RPS6KA2: variants seen among roughly 807,000 people sequenced by gnomAD.
RPS6KA2 encodes ribosomal protein S6 kinase alpha-2.
RPS6KA2 carries 42 observed loss-of-function variants against 91.8 expected under a neutral mutation model. The observed-to-expected ratio is 0.46, with a 90% CI of 0.36 to 0.59. RPS6KA2 has a LOEUF of 0.59. Ranked by LOEUF, RPS6KA2 falls within the 20% of genes least tolerant of loss-of-function variation. The pLI is 0.00. For missense variants in RPS6KA2, 798 were observed against 978.5 expected (o/e 0.82, Z 2.46); for synonymous variants, 414 against 393.6 (o/e 1.05, Z -0.61).
intron 2 of RPS6KA2, among the ~76,000 whole-genome samples, chr6:166,823,922 G>A (rs796521060): frequency 1.4e-4 from 22 of 152,306 alleles, no homozygotes; most frequent in African/African-American, 5.3e-4. Flanking sequence ...ACGTTCTGCT[G>A]TTGGGAGTAT....
chr6:166,739,129 A>G (rs1427980240), intron 2 of RPS6KA2, among the ~76,000 whole-genome samples: 1 of 152,230 alleles, frequency 6.6e-6, no homozygotes, highest in Non-Finnish European at 1.5e-5. Context: ...AGAATTAGCA[A>G]ATATTTATAA....
intron 1 of RPS6KA2, among the ~76,000 whole-genome samples, chr6:166,584,738 T>C (rs1447163985): frequency 3.9e-5 from 6 of 152,248 alleles, no homozygotes; most frequent in Non-Finnish European, 7.3e-5. Context: ...TACGCTGTCA[T>C]GCCAAGTTTT....
At chr6:166,439,092 T>A (rs950855828) in intron 14 of RPS6KA2, among the ~76,000 whole-genome samples, 24 of 92,402 alleles carry the variant, frequency 2.6e-4, no homozygotes, top group Admixed American at 7.7e-4. Context: ...TTTTTTCTTG[T>A]CTTTATTTTT....
chr6:166,688,602 C>T (rs1459723649), intron 2 of RPS6KA2, among the ~76,000 whole-genome samples: 1 of 152,214 alleles, frequency 6.6e-6, no homozygotes, highest in Non-Finnish European at 1.5e-5. Context: ...GAGGGGCACA[C>T]AGTGTCACCA....
intron 14 of RPS6KA2, among the ~76,000 whole-genome samples, chr6:166,441,272 C>T (rs1157897777): frequency 1.3e-5 from 2 of 152,236 alleles, no homozygotes; most frequent in African/African-American, 2.4e-5. Context: ...AAGGCATCTA[C>T]AGCCTCTGCC....
rs181982902 is a variant in RPS6KA2 at position 166,514,561 on chromosome 6, G to C, written c.299-4204C>G. 4.5e-3 allele frequency among the ~76,000 whole-genome samples: 682 copies of C among 152,340 alleles called. 5 individuals are homozygous for C. Among genetic ancestry groups the C allele is most frequent in the African/African-American group, 0.016 (659 of 41,578 alleles). On this transcript the variant is annotated intron_variant, in intron 3 of 20. Coordinates refer to ENST00000265678, the MANE Select transcript of RPS6KA2 (RefSeq NM_021135.6). ...CAGTGGGCTGGCGCACAGAGCTGCA[G>C]TGCCACACTGATGAGGCCTGCGGGC...
chr6:166,795,801 A>G (rs935805909), intron 2 of RPS6KA2, among the ~76,000 whole-genome samples: 1 of 152,184 alleles, frequency 6.6e-6, no homozygotes, highest in Non-Finnish European at 1.5e-5. Flanking sequence ...ATAATTTTCC[A>G]TAAAAGGTGG....
intron 2 of RPS6KA2, among the ~76,000 whole-genome samples, chr6:166,777,628 G>A (rs904774959): frequency 6.6e-6 from 1 of 152,160 alleles, no homozygotes; most frequent in African/African-American, 2.4e-5. Flanking sequence ...CATAGTAAAA[G>A]AAATAAATGT....
At chr6:166,716,035 C>CAAAAAAAAAAAAAAAAAAAAAAAAAA in intron 2 of RPS6KA2, among the ~76,000 whole-genome samples, 1 of 89,778 alleles carries the variant, frequency 1.1e-5, no homozygotes, top group Non-Finnish European at 1.9e-5. Flanking sequence ...GAGACTCCAT[C>CAAAAAAAAAAAAAAAAAAAAAAAAAA]AAAAAAAAAA....
intron 11 of RPS6KA2, among the ~76,000 whole-genome samples, chr6:166,469,460 T>G (rs1371338444): frequency 6.6e-6 from 1 of 152,006 alleles, no homozygotes; most frequent in Non-Finnish European, 1.5e-5. Flanking sequence ...TTGTCATGAC[T>G]TTTGTCTGTT....
chr6:166,714,734 C>T (rs1042352796), intron 2 of RPS6KA2, among the ~76,000 whole-genome samples: 3 of 152,252 alleles, frequency 2.0e-5, no homozygotes, highest in Admixed American at 6.5e-5. Context: ...CAGGAGCCCA[C>T]TCTGCCACAC....
intron 2 of RPS6KA2, among the ~76,000 whole-genome samples, chr6:166,848,919 T>A (rs576319497): frequency 6.6e-6 from 1 of 151,722 alleles, no homozygotes; most frequent in African/African-American, 2.4e-5. Flanking sequence ...AATTAATTTT[T>A]AAAAAATTAA....
At chr6:166,785,086 G>T (rs1778895118) in intron 2 of RPS6KA2, among the ~76,000 whole-genome samples, 1 of 152,222 alleles carries the variant, frequency 6.6e-6, no homozygotes, top group Non-Finnish European at 1.5e-5. Flanking sequence ...CTGTGTTTGC[G>T]TCTACCTATC....
In RPS6KA2 at chr6:166,434,668, T is replaced by C. The variant is rs190127325; in HGVS notation, c.1333-2178A>G. 8.2e-4 allele frequency among the ~76,000 whole-genome samples: 125 copies of C among 152,354 alleles called. No individual in the cohort carries two copies. Among genetic ancestry groups the C allele is most frequent in the Middle Eastern group, 3.4e-3 (1 of 294 alleles). On this transcript the variant is annotated intron_variant, in intron 14 of 20. Coordinates refer to ENST00000265678, the MANE Select transcript of RPS6KA2 (RefSeq NM_021135.6). This position sits in a 1 kb window ranked among gnomAD's most constrained non-coding sequence, Gnocchi z 4.4. ...ATTCAGTAGAAGATTTTTTCGCAAA[T>C]ATGATTTCATGATAAAGGGATGTGT...
chr6:166,701,761 A>C (rs1490456467), intron 2 of RPS6KA2: 36 of 1,157,210 alleles, frequency 3.1e-5, no homozygotes, highest in Non-Finnish European at 3.9e-5. Flanking sequence ...AAATCATAGA[A>C]GTGATATCAT....
At position 166,716,630 on chromosome 6, in the gene RPS6KA2, G is replaced by A. The variant is rs148919964; in HGVS notation, c.123+141570C>T. 1.8e-4 allele frequency among the ~76,000 whole-genome samples: 27 copies of A among 152,336 alleles called. No homozygotes were observed. In the East Asian group the frequency reaches 4.4e-3, roughly 25 times the overall value. On this transcript the variant is annotated intron_variant, in intron 2 of 21. Transcript: ENST00000503859. ...TGCATATGTAAGAGGTTAAGACATC[G>A]TGATTTGTGAAGTCAGAATGGAAAA... is the stretch of plus-strand genomic sequence containing the variant.
intron 1 of RPS6KA2, among the ~76,000 whole-genome samples, chr6:166,579,180 T>C (rs557347349): frequency 6.6e-6 from 1 of 152,364 alleles, no homozygotes; most frequent in South Asian, 2.1e-4. Context: ...CCGTTTATGC[T>C]GTTTAGAAAA....
At chr6:166,428,526 A>C (rs1405937714) in intron 16 of RPS6KA2, among the ~76,000 whole-genome samples, 79 of 141,856 alleles carry the variant, frequency 5.6e-4, no homozygotes, top group African/African-American at 2.0e-3. Flanking sequence ...CAACCTACAA[A>C]ATGGGAGAAA....
In RPS6KA2 at chr6:166,770,353, G is replaced by T. The variant is rs1367991233; in HGVS notation, c.123+87847C>A. On this transcript the variant is annotated intron_variant, in intron 2 of 21. Transcript: ENST00000503859. The surrounding 1 kb of genome is among the most constrained non-coding windows in gnomAD (Gnocchi z 5.1). ...TATTTTAGTCCTAATTCCTAGAAAA[G>T]CTGTTGCTGAGCCACACGCACTAGA... Among the ~76,000 whole-genome samples the T allele has an allele frequency of 3.9e-5, 6 of 152,166 alleles. No individual in the cohort carries two copies. Among genetic ancestry groups the T allele is most frequent in the Non-Finnish European group, 7.3e-5 (5 of 68,036 alleles).
Sources: allele counts gnomAD v4.1 joint callset (sites outside exome capture counted in the v4.1 genomes callset), GRCh38; gene constraint gnomAD v4.1.1; non-coding constraint Gnocchi (gnomAD v3.1); transcripts MANE v1.5; gene names NCBI Gene and HGNC (gene_info 2026-07-23, HGNC 2026-07-21).